Variants in RHOXF1 observed in about 807,000 individuals in gnomAD.
RHOXF1 encodes PEPP subfamily gene 1.
Under a neutral mutation model 9.7 loss-of-function variants are expected in RHOXF1, and 1 was observed. The observed-to-expected ratio is 0.10, with a 90% CI of 0.04 to 0.49. The LOEUF (loss-of-function observed/expected upper bound fraction) is 0.49. Ranked by LOEUF, RHOXF1 falls within the 20% of genes least tolerant of loss-of-function variation. The pLI is 0.95. For synonymous variants in RHOXF1, 72 were observed against 70.2 expected (o/e 1.03, Z -0.13); for missense variants, 179 against 168.0 (o/e 1.07, Z -0.36).
At chrX:120,116,487 T>G (rs782084962), upstream of RHOXF1, 3 of 110,791 alleles carry the variant, frequency 2.7e-5, no homozygotes, top group South Asian at 1.2e-3. Context: ...GAAAGCTGAT[T>G]TGGGGGCTCA....
Position 120,115,678 on chromosome X carries a change from C to G in RHOXF1, c.185G>C (p.Arg62Pro), listed in dbSNP as rs1339647526. ...GGVNHENGMN[R>P]DGGMIPEGGG... ...GCCCTCGGGGATCATGCCGCCATCGCGGTTCATGCCGTTCTCGTGGTTCAC... is the reference window on the plus strand; with the variant it reads ...GCCCTCGGGGATCATGCCGCCATCGGGGTTCATGCCGTTCTCGTGGTTCAC... Residue 62 changes from arginine (R) to proline (P), a missense_variant, in exon 1 of 3, where the codon CGC becomes CCC. Physicochemically the swap from Arg to Pro is moderately radical, Grantham distance 103. Coordinates refer to ENST00000217999, the MANE Select transcript of RHOXF1 (RefSeq NM_139282.3). 1.7e-6 allele frequency: 2 copies of G among 1,199,420 alleles called. No individual in the cohort carries two copies. Among genetic ancestry groups the G allele is most frequent in the Non-Finnish European group, 2.2e-6 (2 of 889,805 alleles).
chrX:120,113,220 C>T (rs906677984), intron 1 of RHOXF1, among the ~76,000 whole-genome samples: 1 of 110,475 alleles, frequency 9.1e-6, no homozygotes, highest in Admixed American at 9.6e-5. Context: ...CAGCTCACTG[C>T]AACCTCCGCC....
In RHOXF1 at chrX:120,112,800, A is replaced by G. The variant is rs1399848813; in HGVS notation, c.444+69T>C. On this transcript the variant is annotated intron_variant, in intron 2 of 2. Transcript: ENST00000217999. The stretch of plus-strand genomic sequence containing the variant: ...AGAACGTTCAGGACAAAGCCTTCAA[A>G]GCCTTCAATGCCCTGAAGCAGGTTT... 4.1e-4 allele frequency: 294 copies of G among 716,327 alleles called. 2 individuals are homozygous for G. In the African/African-American group the frequency reaches 5.4e-3, roughly 13 times the overall value. 59.0% of individuals were successfully genotyped at this position (716,327 alleles called of 1,213,427 possible). A position where few individuals can be genotyped will look rare whatever the true frequency, so the allele number is the denominator to read the frequency against.
upstream of RHOXF1, chrX:120,119,729 GAGA>G (rs2057309577): frequency 8.9e-6 from 1 of 112,262 alleles, no homozygotes; most frequent in Non-Finnish European, 1.9e-5. Context: ...GATTAGTTAA[GAGA>G]AGGAGAGGGG....
At chrX:120,116,330 G>A (rs1346434725), upstream of RHOXF1, 3 of 97,934 alleles carry the variant, frequency 3.1e-5, no homozygotes, top group African/African-American at 7.6e-5. Context: ...GGTGGGGGTG[G>A]CAGTTGAGGG....
intron 1 of RHOXF1, among the ~76,000 whole-genome samples, chrX:120,113,315 T>C (rs1556000109): frequency 1.8e-5 from 2 of 110,550 alleles, no homozygotes; most frequent in Non-Finnish European, 3.8e-5. Flanking sequence ...TTGATTTTTG[T>C]ATTTTTAGTA....
upstream of RHOXF1, chrX:120,116,350 G>T (rs1040739455): frequency 2.9e-4 from 30 of 103,225 alleles, no homozygotes; most frequent in African/African-American, 9.2e-4. Context: ...GTGGAGTGGG[G>T]TGGCCAAAAC....
chrX:120,115,688 C>G lies in RHOXF1; in HGVS notation c.175G>C (p.Gly59Arg), dbSNP rs782032966. ...NPEGGVNHEN[G>R]MNRDGGMIPE... is the part of the protein sequence containing the mutation. ...ATCATGCCGCCATCGCGGTTCATGCCGTTCTCGTGGTTCACACCGCCCTCA... is the reference window on the plus strand; with the variant it reads ...ATCATGCCGCCATCGCGGTTCATGCGGTTCTCGTGGTTCACACCGCCCTCA... The change falls in exon 1 of 3, where the codon GGC becomes CGC. Residue 59 changes from glycine (G) to arginine (R), a missense_variant. Coordinates refer to ENST00000217999, the MANE Select transcript of RHOXF1 (RefSeq NM_139282.3). 20 of 1,204,254 alleles carry G rather than the reference C, an allele frequency of 1.7e-5. No individual in the cohort carries two copies. Among genetic ancestry groups the G allele is most frequent in the Middle Eastern group, 2.3e-4 (1 of 4,344 alleles).
At chrX:120,117,498 A>G (rs2057301841), upstream of RHOXF1, 1 of 111,301 alleles carries the variant, frequency 9.0e-6, no homozygotes, top group Non-Finnish European at 1.9e-5. Flanking sequence ...GTATCTATTT[A>G]TATCTATTGG....
chrX:120,120,305 G>A (rs1556001125), upstream of RHOXF1: 2 of 112,205 alleles, frequency 1.8e-5, no homozygotes, highest in African/African-American at 6.5e-5. Context: ...CCAACACAGG[G>A]AACACTTAAG....
intron 2 of RHOXF1, among the ~76,000 whole-genome samples, chrX:120,110,525 G>T (rs979900857): frequency 3.6e-5 from 4 of 111,225 alleles, no homozygotes. Context: ...GGGCCCCCTA[G>T]GCCCTGCTAC....
At chrX:120,112,478 T>TGTATTATATATAATAC in intron 2 of RHOXF1, among the ~76,000 whole-genome samples, 1 of 73,301 alleles carries the variant, frequency 1.4e-5, no homozygotes, top group Non-Finnish European at 3.1e-5. Flanking sequence ...AATACACATA[T>TGTATTATATATAATAC]ATGTGTTATA....
chrX:120,116,560 C>A (rs1304927446), upstream of RHOXF1: 1 of 110,697 alleles, frequency 9.0e-6, no homozygotes, highest in Non-Finnish European at 1.9e-5. Flanking sequence ...GAGAATATCT[C>A]ATGGCCTGAC....
chrX:120,113,557 G>A (rs940858769), intron 1 of RHOXF1, among the ~76,000 whole-genome samples: 5 of 109,497 alleles, frequency 4.6e-5, no homozygotes, highest in Non-Finnish European at 9.5e-5. Context: ...GGGCTCGAAC[G>A]ATCCTCCTGC....
chrX:120,116,484 G>A (rs2057297494), upstream of RHOXF1: 1 of 110,993 alleles, frequency 9.0e-6, no homozygotes, highest in South Asian at 3.9e-4. Flanking sequence ...GAGGAAAGCT[G>A]ATTTGGGGGC....
At chrX:120,112,468 A>C (rs41300930) in intron 2 of RHOXF1, among the ~76,000 whole-genome samples, 2 of 53,471 alleles carry the variant, frequency 3.7e-5, no homozygotes, top group Admixed American at 2.0e-4. Context: ...TATAATATAT[A>C]ATACACATAT....
rs1555999424 is a variant in RHOXF1 at position 120,109,233 on chromosome X, G to A, written c.514C>T (p.Arg172Cys). ...QRELMLANEL[R>C]ADPDDCVYIV... ...TAGACACAGTCGTCTGGGTCAGCAC[G>A]TAGTTCATTGGCGAGCATTAATTCT... The change falls in exon 3 of 3, where the codon CGT (arginine) becomes TGT (cysteine). Residue 172 changes from arginine (R) to cysteine (C), a missense_variant. Physicochemically the swap from Arg to Cys is radical, Grantham distance 180. Transcript: ENST00000217999. 2.5e-6 allele frequency: 3 copies of A among 1,197,927 alleles called. No individual in the cohort carries two copies. Among genetic ancestry groups the A allele is most frequent in the East Asian group, 3.0e-5 (1 of 33,581 alleles).
chrX:120,116,491 G>T (rs1162381318), upstream of RHOXF1: 2 of 110,939 alleles, frequency 1.8e-5, no homozygotes, highest in Non-Finnish European at 3.8e-5. Context: ...GCTGATTTGG[G>T]GGCTCAGAGG....
chrX:120,113,604 C>G (rs1392334214), intron 1 of RHOXF1, among the ~76,000 whole-genome samples: 1 of 107,525 alleles, frequency 9.3e-6, no homozygotes, highest in Non-Finnish European at 1.9e-5. Flanking sequence ...CAGGCACACA[C>G]CACCACACCC....
Sources: allele counts gnomAD v4.1 joint callset (sites outside exome capture counted in the v4.1 genomes callset), GRCh38; gene constraint gnomAD v4.1.1; transcripts MANE v1.5; gene names NCBI Gene and HGNC (gene_info 2026-07-23, HGNC 2026-07-21).